CASP6: variants seen among roughly 807,000 people sequenced by gnomAD.
CASP6 encodes caspase-6.
A neutral mutation model predicts 31.8 loss-of-function variants in CASP6; 20 were observed. The ratio of observed to expected loss-of-function variants is 0.63; its 90% CI spans 0.44 to 0.91. The LOEUF (loss-of-function observed/expected upper bound fraction) is 0.91, where lower values mean the gene tolerates loss of function less well. Ranked by LOEUF, CASP6 falls within the 40% of genes least tolerant of loss-of-function variation. CASP6 has a pLI of 0.00. For synonymous variants in CASP6, 130 were observed against 127.8 expected (o/e 1.02, Z -0.12); for missense variants, 328 against 361.1 (o/e 0.91, Z 0.74).
intron 1 of CASP6, among the ~76,000 whole-genome samples, chr4:109,700,319 G>A (rs983715028): frequency 2.0e-5 from 3 of 152,214 alleles, no homozygotes; most frequent in African/African-American, 7.2e-5. Context: ...TACAGGTTTA[G>A]GAATGGCTAA....
At chr4:109,703,721 G>A (rs937399865), upstream of CASP6, 3 of 469,702 alleles carry the variant, frequency 6.4e-6, no homozygotes, top group Non-Finnish European at 7.6e-6. Flanking sequence ...CACACAGACC[G>A]CCTAGCCCGA....
upstream of CASP6, among the ~76,000 whole-genome samples, chr4:109,705,989 A>ATAT (rs1730588837): frequency 1.0e-4 from 7 of 67,928 alleles, no homozygotes; most frequent in Non-Finnish European, 1.5e-4. Context: ...AAAAAAAAAA[A>ATAT]AAAAAAAAAA....
At chr4:109,700,966 AC>A (rs1730404664) in intron 1 of CASP6, among the ~76,000 whole-genome samples, 1 of 152,108 alleles carries the variant, frequency 6.6e-6, no homozygotes, top group Non-Finnish European at 1.5e-5. Flanking sequence ...ATTTTTTATT[AC>A]TATCTTTTTG....
chr4:109,705,960 A>G (rs1730584691), upstream of CASP6, among the ~76,000 whole-genome samples: 1 of 114,606 alleles, frequency 8.7e-6, no homozygotes, highest in Admixed American at 9.9e-5. Flanking sequence ...TGGGTGACAG[A>G]GTAAGACACT....
chr4:109,680,962 G>A, the CASP6 span, among the ~76,000 whole-genome samples: 1 of 152,166 alleles, frequency 6.6e-6, no homozygotes, highest in Non-Finnish European at 1.5e-5. Context: ...TAAACCCATG[G>A]AGGAGGTGGG....
chr4:109,667,915 G>A, the CASP6 span, among the ~76,000 whole-genome samples: 2 of 151,674 alleles, frequency 1.3e-5, no homozygotes, highest in South Asian at 2.1e-4. Context: ...TGTGTTAGAA[G>A]TACATTATTT....
chr4:109,679,641 A>G, the CASP6 span, among the ~76,000 whole-genome samples: 1 of 152,100 alleles, frequency 6.6e-6, no homozygotes. Flanking sequence ...GGAGTGGGAG[A>G]GGGGGAAACA....
upstream of CASP6, among the ~76,000 whole-genome samples, chr4:109,706,131 T>TATATATATATATA (rs60918624): frequency 4.8e-3 from 173 of 36,044 alleles, 22 homozygotes; most frequent in African/African-American, 0.014. Flanking sequence ...CCTATCCATT[T>TATATATATATATA]TATATATATA....
the CASP6 span, among the ~76,000 whole-genome samples, chr4:109,674,656 C>A: frequency 1.3e-5 from 2 of 152,152 alleles, no homozygotes; most frequent in Non-Finnish European, 2.9e-5. Context: ...AAAGCTTAAA[C>A]AATAGAGCTG....
At chr4:109,703,330 G>A in intron 1 of CASP6, 26 bp downstream of exon 1, 1 of 1,601,268 alleles carries the variant, frequency 6.2e-7, no homozygotes, top group East Asian at 2.3e-5. Flanking sequence ...GACCTGCTCG[G>A]TGCCCAGTCG....
At chr4:109,669,782 C>G in the CASP6 span, among the ~76,000 whole-genome samples, 2 of 150,242 alleles carry the variant, frequency 1.3e-5, no homozygotes, top group African/African-American at 4.9e-5. Context: ...GAGATTCTTT[C>G]TTCAGCTATG....
upstream of CASP6, among the ~76,000 whole-genome samples, chr4:109,706,031 TA>T (rs59826248): frequency 2.1e-4 from 17 of 82,434 alleles, no homozygotes; most frequent in African/African-American, 4.7e-4. Flanking sequence ...TATATATATA[TA>T]ATATATATAA....
upstream of CASP6, among the ~76,000 whole-genome samples, chr4:109,707,548 G>A (rs770870498): frequency 6.6e-6 from 1 of 152,030 alleles, no homozygotes; most frequent in African/African-American, 2.4e-5. Context: ...TACCATGCCT[G>A]GCTAATTTTG....
chr4:109,698,429 A>G, intron 1 of CASP6, 87 bp from the exon 2 acceptor site: 5 of 1,154,536 alleles, frequency 4.3e-6, no homozygotes, highest in Non-Finnish European at 6.3e-6. Flanking sequence ...TCTGACTCCC[A>G]AACTCTTAAG....
upstream of CASP6, among the ~76,000 whole-genome samples, chr4:109,705,974 TAAAAAAAAAAAAAA>T (rs59584573): frequency 1.1e-3 from 32 of 29,396 alleles, no homozygotes; most frequent in African/African-American, 2.9e-3. Context: ...AGACACTCTT[TAAAAAAAAAAAAAA>T]AAAAAAAAAA....
chr4:109,687,661 T>G, downstream of CASP6: 1 of 892,690 alleles, frequency 1.1e-6, no homozygotes, highest in Non-Finnish European at 1.8e-6. Flanking sequence ...TGTTTTTGAG[T>G]CCCATGGTTC....
chr4:109,696,562 A>G, intron 3 of CASP6, 76 bp from the exon 4 acceptor site: 1 of 936,296 alleles, frequency 1.1e-6, no homozygotes, highest in East Asian at 2.4e-5. Context: ...GGAAGAATCT[A>G]TACACATTTT....
upstream of CASP6, among the ~76,000 whole-genome samples, chr4:109,704,846 AG>A (rs1394934638): frequency 1.3e-5 from 2 of 152,196 alleles, no homozygotes; most frequent in Non-Finnish European, 2.9e-5. Context: ...CTGGGATTAC[AG>A]GATGTGCCAC....
the CASP6 span, among the ~76,000 whole-genome samples, chr4:109,683,552 A>G: frequency 6.6e-6 from 1 of 152,194 alleles, no homozygotes; most frequent in African/African-American, 2.4e-5. Context: ...CTTATGAATC[A>G]TTTCAGATTT....
Sources: allele counts gnomAD v4.1 joint callset (sites outside exome capture counted in the v4.1 genomes callset), GRCh38; gene constraint gnomAD v4.1.1; transcripts MANE v1.5; gene names NCBI Gene and HGNC (gene_info 2026-07-23, HGNC 2026-07-21).